The following RABGAP1L variants were observed in gnomAD, a reference collection of about 807,000 sequenced individuals.
RABGAP1L encodes rab GTPase-activating protein 1-like.
A neutral mutation model predicts 137.7 loss-of-function variants in RABGAP1L; 63 were observed. The observed-to-expected ratio is 0.46, with a 90% CI of 0.37 to 0.56. The LOEUF (loss-of-function observed/expected upper bound fraction) is 0.56. RABGAP1L is among the 20% of genes least tolerant of loss of function. The pLI is 0.00. For missense variants in RABGAP1L, 1,095 were observed against 1,244.0 expected (o/e 0.88, Z 1.80); for synonymous variants, 431 against 433.7 (o/e 0.99, Z 0.08).
At chr1:174,642,737 CT>C (rs1007551824) in intron 14 of RABGAP1L, among the ~76,000 whole-genome samples, 1 of 135,268 alleles carries the variant, frequency 7.4e-6, no homozygotes, top group African/African-American at 2.9e-5. Flanking sequence ...TCCTCTCCCC[CT>C]CTCCCCCTCT....
At chr1:174,530,530 G>A (rs1272039459) in intron 13 of RABGAP1L, among the ~76,000 whole-genome samples, 1 of 152,124 alleles carries the variant, frequency 6.6e-6, no homozygotes, top group Non-Finnish European at 1.5e-5. Flanking sequence ...AGGATTTCAG[G>A]AGTCCATGGT....
intron 13 of RABGAP1L, among the ~76,000 whole-genome samples, chr1:174,486,223 C>CTTTTT (rs201692363): frequency 1.7e-5 from 2 of 119,878 alleles, no homozygotes; most frequent in African/African-American, 3.1e-5. Context: ...GTTCTTTTTT[C>CTTTTT]TTTTTTTTTT....
intron 13 of RABGAP1L, among the ~76,000 whole-genome samples, chr1:174,607,719 G>A (rs1422970487): frequency 6.6e-6 from 1 of 152,140 alleles, no homozygotes; most frequent in Non-Finnish European, 1.5e-5. Flanking sequence ...ATACTAACTT[G>A]GAAGAGTGTT....
chr1:174,628,096 A>G (rs1396532224), intron 13 of RABGAP1L, among the ~76,000 whole-genome samples: 2 of 151,928 alleles, frequency 1.3e-5, no homozygotes, highest in African/African-American at 4.8e-5. Flanking sequence ...ATCTTTCTTT[A>G]TTGTGTGGGT....
At position 174,517,883 on chromosome 1, in the gene RABGAP1L, T is replaced by C. The variant is rs1195285599; in HGVS notation, c.1711-119492T>C. Among the ~76,000 whole-genome samples the C allele has an allele frequency of 2.6e-5, 4 of 152,358 alleles. 1 individual carries two copies. The East Asian group carries it at 7.7e-4, about 29-fold the overall frequency. On this transcript the variant is annotated intron_variant, in intron 13 of 25. Transcript: ENST00000681986. ...TTCTTTATATATGCTTGTTAACATT[T>C]GGCAGTTAAGCATATTACTAAGTTT... is the stretch of plus-strand genomic sequence containing the variant.
At chr1:174,698,495 T>C (rs2148514955) in intron 15 of RABGAP1L, among the ~76,000 whole-genome samples, 1 of 152,188 alleles carries the variant, frequency 6.6e-6, no homozygotes, top group South Asian at 2.1e-4. Flanking sequence ...CACCCAGCAT[T>C]CCCCCTTTTG....
intron 19 of RABGAP1L, among the ~76,000 whole-genome samples, chr1:174,840,428 C>T (rs1693247485): frequency 1.3e-5 from 2 of 152,022 alleles, no homozygotes; most frequent in African/African-American, 4.8e-5. Flanking sequence ...GCAGAACTTT[C>T]TAGGGGGCAA....
At chr1:174,501,239 A>T (rs1187025663) in intron 13 of RABGAP1L, among the ~76,000 whole-genome samples, 3 of 143,454 alleles carry the variant, frequency 2.1e-5, no homozygotes, top group Non-Finnish European at 4.5e-5. Flanking sequence ...TTTGAGATGG[A>T]GTCTCACTCT....
chr1:174,178,663 T>A (rs1666095285), intron 1 of RABGAP1L, among the ~76,000 whole-genome samples: 1 of 152,142 alleles, frequency 6.6e-6, no homozygotes, highest in Admixed American at 6.6e-5. Flanking sequence ...TAAAAAAGAA[T>A]GAGTTCATGC....
At chr1:174,854,715 C>CTTTTTTTT (rs71117584) in intron 19 of RABGAP1L, among the ~76,000 whole-genome samples, 19 of 56,864 alleles carry the variant, frequency 3.3e-4, no homozygotes, top group Non-Finnish European at 5.5e-4. Context: ...AATATAAATG[C>CTTTTTTTT]TTTTTTTTTT....
chr1:174,879,542 A>AT (rs1051737120), intron 19 of RABGAP1L, among the ~76,000 whole-genome samples: 5 of 152,194 alleles, frequency 3.3e-5, no homozygotes, highest in Admixed American at 2.6e-4. Context: ...TGATACTATG[A>AT]TTTTTTTAAA....
At position 174,632,943 on chromosome 1, in the gene RABGAP1L, C is replaced by T. The variant is rs997925533; in HGVS notation, c.1711-4432C>T. On this transcript the variant is annotated intron_variant, in intron 13 of 25. Coordinates refer to ENST00000681986, the MANE Select transcript of RABGAP1L (RefSeq NM_001366446.1). The stretch of plus-strand genomic sequence containing the variant: ...TTGTTCCGTTGCTGGTGAGGAACTG[C>T]GTTCCTTTGGAGGAGGAGAGGCGCT... Among the ~76,000 whole-genome samples, 104 of 152,150 alleles carry T rather than the reference C, an allele frequency of 6.8e-4. 1 individual carries two copies. The highest frequency in any genetic ancestry group is 1.3e-3 in the African/African-American group (52 of 41,494).
intron 13 of RABGAP1L, among the ~76,000 whole-genome samples, chr1:174,620,221 T>A (rs554095790): frequency 6.6e-6 from 1 of 152,278 alleles, no homozygotes; most frequent in South Asian, 2.1e-4. Flanking sequence ...ATTAGACAGA[T>A]CAATGAGACA....
intron 13 of RABGAP1L, among the ~76,000 whole-genome samples, chr1:174,551,003 T>TATATATATATATATATAC (rs1666486273): frequency 1.7e-5 from 2 of 114,414 alleles, no homozygotes; most frequent in African/African-American, 7.8e-5. Context: ...TATACACATA[T>TATATATATATATATATAC]ATATATATAT....
chr1:174,475,840 A>G (rs1658448215), intron 13 of RABGAP1L, among the ~76,000 whole-genome samples: 1 of 151,192 alleles, frequency 6.6e-6, no homozygotes, highest in African/African-American at 2.4e-5. Context: ...ATAATTATCT[A>G]CAGGCCAGTA....
chr1:174,313,935 G>A (rs972706180), intron 11 of RABGAP1L, among the ~76,000 whole-genome samples: 1 of 152,102 alleles, frequency 6.6e-6, no homozygotes, highest in African/African-American at 2.4e-5. Context: ...TTTTGCGTGA[G>A]TATTTATCAG....
intron 11 of RABGAP1L, among the ~76,000 whole-genome samples, chr1:174,318,109 G>A (rs921613757): frequency 2.0e-5 from 3 of 151,392 alleles, no homozygotes; most frequent in Admixed American, 6.6e-5. Flanking sequence ...CCAGGACTAT[G>A]AGTGTTCGCT....
rs74321344 is a variant in RABGAP1L, at chr1:174,855,758, G to A, written c.2340+43798G>A. On this transcript the variant is annotated intron_variant, in intron 19 of 25. Transcript: ENST00000681986. The stretch of plus-strand genomic sequence containing the variant: ...ATTTTGAAATGGATTTAGATTAAAA[G>A]GTATTTTTGTGTGTGTGGAGAATGT... Among the ~76,000 whole-genome samples the A allele has an allele frequency of 3.9e-5, 6 of 152,226 alleles. No homozygotes were observed. In the East Asian group the frequency reaches 1.2e-3, roughly 29 times the overall value.
At chr1:174,320,935 T>C (rs1679909957) in intron 11 of RABGAP1L, among the ~76,000 whole-genome samples, 1 of 152,322 alleles carries the variant, frequency 6.6e-6, no homozygotes, top group East Asian at 1.9e-4. Flanking sequence ...TAGGTCTGAC[T>C]GCCTGGGAGT....
Sources: allele counts gnomAD v4.1 joint callset (sites outside exome capture counted in the v4.1 genomes callset), GRCh38; gene constraint gnomAD v4.1.1; transcripts MANE v1.5; gene names NCBI Gene and HGNC (gene_info 2026-07-23, HGNC 2026-07-21).